IL1RAPL1: variants seen among roughly 807,000 people sequenced by gnomAD.
IL1RAPL1 encodes interleukin-1 receptor accessory protein-like 1.
Under a neutral mutation model 48.4 loss-of-function variants are expected in IL1RAPL1, and 3 were observed. The observed-to-expected ratio is 0.06, with a 90% CI of 0.03 to 0.16. The LOEUF (loss-of-function observed/expected upper bound fraction) is 0.16. IL1RAPL1 is among the 10% of genes least tolerant of loss of function. The pLI is 1.00. For missense variants in IL1RAPL1, 349 were observed against 530.6 expected (o/e 0.66, Z 3.36); for synonymous variants, 185 against 187.7 (o/e 0.99, Z 0.12).
intron 2 of IL1RAPL1, among the ~76,000 whole-genome samples, chrX:29,000,180 C>G (rs979418696): frequency 3.2e-4 from 36 of 111,400 alleles, no homozygotes; most frequent in Middle Eastern, 4.2e-3. Flanking sequence ...AATCTCCATC[C>G]TCCGCCAATG....
At position 28,587,889 on chromosome X, in the gene IL1RAPL1, T is replaced by C. The variant is rs1933860489; in HGVS notation, c.-183T>C. On this transcript the variant is annotated 5_prime_UTR_variant, in exon 1 of 11. Coordinates refer to ENST00000378993, the MANE Select transcript of IL1RAPL1 (RefSeq NM_014271.4). ...ATCTGCTTTTATGGTGAACTTGGCATTTGTGAATGGGAATCTTGTTCACAA... is the reference window on the plus strand; with the variant it reads ...ATCTGCTTTTATGGTGAACTTGGCACTTGTGAATGGGAATCTTGTTCACAA... 9.0e-6 allele frequency: 1 copy of C among 111,174 alleles called. No homozygotes were observed. Among genetic ancestry groups the C allele is most frequent in the East Asian group, 2.8e-4 (1 of 3,541 alleles). The allele number at this position is 111,174 out of a possible 1,213,427, so 9.2% of individuals were successfully genotyped here.
At chrX:29,524,021 AT>A (rs1441154218) in intron 5 of IL1RAPL1, among the ~76,000 whole-genome samples, 1 of 110,800 alleles carries the variant, frequency 9.0e-6, no homozygotes, top group East Asian at 2.8e-4. Context: ...CTAAAAAAAA[AT>A]CTTTTTCTTT....
At chrX:29,050,746 C>T (rs1451285839) in intron 2 of IL1RAPL1, among the ~76,000 whole-genome samples, 2 of 112,292 alleles carry the variant, frequency 1.8e-5, no homozygotes, top group African/African-American at 3.2e-5. Flanking sequence ...TCTGAAATTA[C>T]GGGCTCGTTG....
chrX:28,642,036 A>G (rs1031034040), intron 1 of IL1RAPL1, among the ~76,000 whole-genome samples: 1 of 111,619 alleles, frequency 9.0e-6, no homozygotes, highest in East Asian at 2.8e-4. Flanking sequence ...AACAGACTTT[A>G]AACCAACAAA....
intron 5 of IL1RAPL1, among the ~76,000 whole-genome samples, chrX:29,529,660 A>G (rs901957212): frequency 7.5e-5 from 8 of 106,512 alleles, no homozygotes; most frequent in Non-Finnish European, 7.7e-5. Context: ...TATTAGTGTT[A>G]GATTTCCTGA....
chrX:29,037,394 T>C (rs1485060850), intron 2 of IL1RAPL1, among the ~76,000 whole-genome samples: 1 of 111,530 alleles, frequency 9.0e-6, no homozygotes. Context: ...AGGAGCAGGA[T>C]TTTTCTCCTC....
chrX:29,159,691 C>G (rs1286064214), intron 2 of IL1RAPL1, among the ~76,000 whole-genome samples: 1 of 111,846 alleles, frequency 8.9e-6, no homozygotes, highest in Non-Finnish European at 1.9e-5. Flanking sequence ...TAAATCTACT[C>G]TAGGATTAAT....
chrX:29,547,831 A>G (rs192542065), intron 5 of IL1RAPL1, among the ~76,000 whole-genome samples: 9 of 112,340 alleles, frequency 8.0e-5, no homozygotes, highest in Admixed American at 6.6e-4. Flanking sequence ...TGTCGAGAAC[A>G]AGTTTTTGTT....
intron 5 of IL1RAPL1, among the ~76,000 whole-genome samples, chrX:29,509,611 C>G (rs912491556): frequency 1.8e-5 from 2 of 112,051 alleles, no homozygotes; most frequent in African/African-American, 6.5e-5. Context: ...TGGCATTTGA[C>G]TACTAAACTA....
At chrX:29,826,142 C>T (rs1296196437) in intron 6 of IL1RAPL1, among the ~76,000 whole-genome samples, 1 of 111,812 alleles carries the variant, frequency 8.9e-6, no homozygotes, top group Non-Finnish European at 1.9e-5. Flanking sequence ...CTCCATAACA[C>T]ACTTCATGCT....
intron 2 of IL1RAPL1, among the ~76,000 whole-genome samples, chrX:28,819,681 G>A (rs1163094564): frequency 9.2e-6 from 1 of 108,691 alleles, no homozygotes; most frequent in African/African-American, 3.3e-5. Flanking sequence ...ATCATTCTGT[G>A]GAAAATAATA....
rs1260979601 is a variant in IL1RAPL1, at chrX:29,468,539, G to A, written c.703+69231G>A. Among the ~76,000 whole-genome samples the A allele has an allele frequency of 8.7e-5, 8 of 92,212 alleles. No individual in the cohort carries two copies. The Admixed American group carries it at 9.0e-4, about 10-fold the overall frequency. The allele number at this position is 92,212 out of a possible 115,157, so 80.1% of individuals were successfully genotyped here. ...GAAAACAATCCTCCTAGGCATAGTG[G>A]CGATAATTCTTCGACTTTTTTACTT... is the stretch of plus-strand genomic sequence containing the variant. On this transcript the variant is annotated intron_variant, in intron 5 of 10. Coordinates refer to ENST00000378993, the MANE Select transcript of IL1RAPL1 (RefSeq NM_014271.4).
chrX:28,681,185 A>G (rs1308965160), intron 1 of IL1RAPL1, among the ~76,000 whole-genome samples: 1 of 110,970 alleles, frequency 9.0e-6, no homozygotes, highest in Non-Finnish European at 1.9e-5. Context: ...TCTCTAGGTT[A>G]TCTAGTTTTT....
chrX:29,353,509 G>T (rs912706591), intron 3 of IL1RAPL1, among the ~76,000 whole-genome samples: 1 of 111,477 alleles, frequency 9.0e-6, no homozygotes, highest in African/African-American at 3.3e-5. Flanking sequence ...TATAACAAAG[G>T]ATCTTTTGAC....
chrX:28,860,229 G>A (rs1049101796), intron 2 of IL1RAPL1, among the ~76,000 whole-genome samples: 1 of 111,125 alleles, frequency 9.0e-6, no homozygotes, highest in African/African-American at 3.3e-5. Context: ...ACATTATCAA[G>A]CTAAAATTCC....
intron 5 of IL1RAPL1, among the ~76,000 whole-genome samples, chrX:29,509,812 G>T (rs1243776414): frequency 8.9e-6 from 1 of 112,049 alleles, no homozygotes; most frequent in Non-Finnish European, 1.9e-5. Context: ...CATTAATTCC[G>T]CTAGGTTAAT....
At chrX:29,691,960 A>T (rs1013337445) in intron 6 of IL1RAPL1, among the ~76,000 whole-genome samples, 6 of 112,074 alleles carry the variant, frequency 5.4e-5, no homozygotes, top group Non-Finnish European at 1.1e-4. Flanking sequence ...TTTTCCCCAT[A>T]TTTGGGAATG....
chrX:28,873,820 C>G (rs1333494561), intron 2 of IL1RAPL1, among the ~76,000 whole-genome samples: 2 of 109,719 alleles, frequency 1.8e-5, no homozygotes, highest in East Asian at 5.7e-4. Flanking sequence ...CATGAGCCAC[C>G]GCACCTGGCC....
intron 2 of IL1RAPL1, among the ~76,000 whole-genome samples, chrX:28,841,663 A>G (rs769016689): frequency 9.0e-6 from 1 of 110,700 alleles, no homozygotes; most frequent in Non-Finnish European, 1.9e-5. Context: ...GTGATTTTGG[A>G]ATACACCAGA....
Sources: allele counts gnomAD v4.1 joint callset (sites outside exome capture counted in the v4.1 genomes callset), GRCh38; gene constraint gnomAD v4.1.1; transcripts MANE v1.5; gene names NCBI Gene and HGNC (gene_info 2026-07-23, HGNC 2026-07-21).